The following ZNF431 variants were observed in gnomAD, a reference collection of about 807,000 sequenced individuals.
ZNF431 encodes the protein zinc finger protein 431.
Under a neutral mutation model 57.0 loss-of-function variants are expected in ZNF431, and 34 were observed. That is an observed-to-expected ratio of 0.60 (90% CI 0.45 to 0.79). The LOEUF is 0.79. Ranked by LOEUF, ZNF431 falls within the 30% of genes least tolerant of loss-of-function variation. ZNF431 has a pLI of 0.00. For missense variants in ZNF431, 607 were observed against 667.1 expected, an observed-to-expected ratio of 0.91 and a Z score of 0.99; for synonymous variants, 207 against 220.3, an observed-to-expected ratio of 0.94 and a Z score of 0.54.
At chr19:21,148,737 A>G (rs1361137071) in intron 2 of ZNF431, among the ~76,000 whole-genome samples, 1 of 152,176 alleles carries the variant, frequency 6.6e-6, no homozygotes, top group South Asian at 2.1e-4. Flanking sequence ...ACTCTTAGCA[A>G]CTTTTACTTT....
At chr19:21,154,081 A>G (rs1970352220) in intron 2 of ZNF431, among the ~76,000 whole-genome samples, 2 of 152,030 alleles carry the variant, frequency 1.3e-5, no homozygotes, top group South Asian at 4.1e-4. Context: ...CGTGCAGGTT[A>G]GTTATATAGT....
chr19:21,169,302 T>G (rs182879491), intron 4 of ZNF431, among the ~76,000 whole-genome samples: 1 of 152,316 alleles, frequency 6.6e-6, no homozygotes, highest in Admixed American at 6.5e-5. Context: ...TATTTCTCTT[T>G]AATTCCAATG....
Position 21,183,273 on chromosome 19 carries a change from G to C in ZNF431, c.970G>C (p.Ala324Pro). 6.2e-7 allele frequency: 1 copy of C among 1,614,084 alleles called. No homozygotes were observed. The highest frequency in any genetic ancestry group is 2.2e-5 in the East Asian group (1 of 44,866). ...CTACAAATGTGAAGAATGTGGCAAAGCTTTTAACCAGTCTTCAACCCTTAG... is the reference window on the plus strand; with the variant it reads ...CTACAAATGTGAAGAATGTGGCAAACCTTTTAACCAGTCTTCAACCCTTAG... ...KPYKCEECGKAFNQSSTLSTH... is the reference protein window; with the variant it reads ...KPYKCEECGKPFNQSSTLSTH... The change falls in exon 5 of 5, where the codon GCT (alanine) becomes CCT (proline). Residue 324 changes from alanine to proline, a missense_variant. Physicochemically the swap from Ala to Pro is conservative, Grantham distance 27 (BLOSUM62 -1). Transcript: ENST00000311048.
intron 2 of ZNF431, among the ~76,000 whole-genome samples, chr19:21,147,790 A>G (rs1412932883): frequency 6.6e-6 from 1 of 152,190 alleles, no homozygotes; most frequent in Non-Finnish European, 1.5e-5. Flanking sequence ...TATTAGTTAC[A>G]TTAGTCATAT....
intron 4 of ZNF431, 86 bp from the exon 5 acceptor site, chr19:21,182,537 T>C (rs1971234196): frequency 7.3e-7 from 1 of 1,361,720 alleles, no homozygotes; most frequent in Non-Finnish European, 9.8e-7. Flanking sequence ...CTTGTTTATG[T>C]AGTTTGTATA....
At chr19:21,168,568 G>A (rs543849578) in intron 4 of ZNF431, among the ~76,000 whole-genome samples, 34 of 152,104 alleles carry the variant, frequency 2.2e-4, no homozygotes, top group Admixed American at 6.6e-4. Flanking sequence ...GGGTTTCACC[G>A]TGCTGTTCAG....
At chr19:21,148,354 T>G (rs1287458437) in intron 2 of ZNF431, among the ~76,000 whole-genome samples, 1 of 152,218 alleles carries the variant, frequency 6.6e-6, no homozygotes, top group Admixed American at 6.5e-5. Context: ...TAAGGTAGTA[T>G]TCTCATAAAC....
chr19:21,142,298 C>T (rs968898001), intron 1 of ZNF431, 112 bp downstream of exon 1: 3 of 1,448,566 alleles, frequency 2.1e-6, no homozygotes, highest in Admixed American at 3.4e-5. Context: ...CAGTCTGCGC[C>T]CCGAGTTCTC....
Position 21,189,372 on chromosome 19 carries a change from A to G in ZNF431, c.*5338A>G, listed in dbSNP as rs2145073979. 6.6e-6 allele frequency: 1 copy of G among 152,040 alleles called. No homozygotes were observed. Among genetic ancestry groups the G allele is most frequent in the African/African-American group, 2.4e-5 (1 of 41,476 alleles). The allele number at this position is 152,040 out of a possible 1,614,324, so 9.4% of individuals were successfully genotyped here. A position where few individuals can be genotyped will look rare whatever the true frequency, so the allele number is the denominator to read the frequency against. ...GGTGACACATGCCTGTAATCCAGCT[A>G]CCCTGGAGGCTAAGGCAGGAAAATG... On this transcript the variant is annotated 3_prime_UTR_variant, in exon 5 of 5. Transcript: ENST00000311048.
chr19:21,190,162 C>T lies in ZNF431; in HGVS notation c.*6128C>T, dbSNP rs1433374756. On this transcript the variant is annotated 3_prime_UTR_variant, in exon 5 of 5. Transcript: ENST00000311048. ...CCATCCTGGGCAACAGAGTGAGACTCGGTCTCAAGAGGGAAAATAAGGCAT... is the reference window on the plus strand; with the variant it reads ...CCATCCTGGGCAACAGAGTGAGACTTGGTCTCAAGAGGGAAAATAAGGCAT... The T allele has an allele frequency of 2.9e-6, 1 of 344,868 alleles. No individual in the cohort carries two copies. The highest frequency in any genetic ancestry group is 5.2e-6 in the Non-Finnish European group (1 of 193,386). The allele number at this position is 344,868 out of a possible 1,614,324, so 21.4% of individuals were successfully genotyped here. A position where few individuals can be genotyped will look rare whatever the true frequency, so the allele number is the denominator to read the frequency against.
At chr19:21,182,510 G>A in intron 4 of ZNF431, 113 bp from the exon 5 acceptor site, 1 of 1,181,320 alleles carries the variant, frequency 8.5e-7, no homozygotes, top group East Asian at 2.6e-5. Context: ...AGGGCCTATG[G>A]TATTTTATTA....
intron 4 of ZNF431, among the ~76,000 whole-genome samples, chr19:21,168,270 GA>G (rs766650983): frequency 1.3e-5 from 2 of 151,542 alleles, no homozygotes; most frequent in African/African-American, 2.4e-5. Flanking sequence ...TTTCTATTGT[GA>G]AAAAAATACC....
rs1305059513 is a variant in ZNF431, at chr19:21,194,108, C to T, written c.*10074C>T. ...ATGATATAATTCTCTACCTAGAAAACTTTAAGGATTTTACCAAAAGACTCC... is the reference window on the plus strand; with the variant it reads ...ATGATATAATTCTCTACCTAGAAAATTTTAAGGATTTTACCAAAAGACTCC... On this transcript the variant is annotated 3_prime_UTR_variant, in exon 5 of 5. Transcript: ENST00000311048. 1 of 152,114 alleles carries T rather than the reference C, an allele frequency of 6.6e-6. No individual in the cohort carries two copies. Among genetic ancestry groups the T allele is most frequent in the African/African-American group, 2.4e-5 (1 of 41,442 alleles). The allele number at this position is 152,114 out of a possible 1,614,324, so 9.4% of individuals were successfully genotyped here.
At chr19:21,177,952 T>C (rs1971105973) in intron 4 of ZNF431, among the ~76,000 whole-genome samples, 1 of 151,944 alleles carries the variant, frequency 6.6e-6, no homozygotes, top group South Asian at 2.1e-4. Context: ...TTTACAATAT[T>C]CTTTCTATCT....
rs1481946636 is a variant in ZNF431 at position 21,183,551 on chromosome 19, T to C, written c.1248T>C (p.Thr416=). Residue 416 remains threonine, a synonymous_variant, in exon 5 of 5, where the codon ACT becomes ACC. Coordinates refer to ENST00000311048, the MANE Select transcript of ZNF431 (RefSeq NM_133473.4). ...GKAFNESSNL[T]THKMIHTGEK... is the part of the protein sequence containing the mutation. ...CCTTTAATGAGTCCTCAAACCTTAC[T>C]ACACATAAGATGATTCATACTGGAG... 1.2e-6 allele frequency: 2 copies of C among 1,613,512 alleles called. No homozygotes were observed. Among genetic ancestry groups the C allele is most frequent in the Non-Finnish European group, 1.7e-6 (2 of 1,179,950 alleles).
At chr19:21,167,938 C>T (rs1332424299) in intron 4 of ZNF431, among the ~76,000 whole-genome samples, 1 of 152,156 alleles carries the variant, frequency 6.6e-6, no homozygotes, top group Admixed American at 6.5e-5. Context: ...ATATAAAAGA[C>T]TGTCATGGCA....
At chr19:21,145,130 G>A (rs1970046371) in intron 2 of ZNF431, among the ~76,000 whole-genome samples, 2 of 150,758 alleles carry the variant, frequency 1.3e-5, no homozygotes, top group South Asian at 4.2e-4. Context: ...GGAAATTAAA[G>A]CTTGAGCCCA....
chr19:21,164,408 A>G (rs555900753), intron 2 of ZNF431, among the ~76,000 whole-genome samples: 1 of 152,222 alleles, frequency 6.6e-6, no homozygotes, highest in South Asian at 2.1e-4. Flanking sequence ...CACTTTTAAT[A>G]TGGCAGATCA....
chr19:21,143,078 G>C (rs141108165), intron 1 of ZNF431, among the ~76,000 whole-genome samples: 6 of 152,228 alleles, frequency 3.9e-5, no homozygotes, highest in African/African-American at 9.6e-5. Flanking sequence ...CTTGCAGTAA[G>C]ATACTAAATT....
Sources: allele counts gnomAD v4.1 joint callset (sites outside exome capture counted in the v4.1 genomes callset), GRCh38; gene constraint gnomAD v4.1.1; transcripts MANE v1.5; gene names NCBI Gene and HGNC (gene_info 2026-07-23, HGNC 2026-07-21).